The following RP1 variants were observed in gnomAD, a reference collection of about 807,000 sequenced individuals.
The protein encoded by RP1 is RP1 axonemal microtubule associated, also known as oxygen-regulated protein 1.
A neutral mutation model predicts 14.8 loss-of-function variants in RP1; 16 were observed. The ratio of observed to expected loss-of-function variants is 1.08; its 90% confidence interval spans 0.73 to 1.65. The LOEUF is 1.65. Among genes scored for constraint, RP1 ranks in the 40% most tolerant of loss-of-function variants. The pLI is 0.00. For synonymous variants in RP1, 876 were observed against 883.6 expected, an observed-to-expected ratio of 0.99 and a Z score of 0.15; for missense variants, 2,631 against 2,535.0, an observed-to-expected ratio of 1.04 and a Z score of -0.81.
At chr8:54,775,841 T>G (rs1383443602) in intron 23 of RP1, among the ~76,000 whole-genome samples, 2 of 152,210 alleles carry the variant, frequency 1.3e-5, no homozygotes, top group Admixed American at 1.3e-4. Context: ...GATCATGAAT[T>G]TCTCTCCTAA....
chr8:54,726,732 A>G (rs1808664496), intron 17 of RP1, among the ~76,000 whole-genome samples: 1 of 151,902 alleles, frequency 6.6e-6, no homozygotes, highest in Admixed American at 6.6e-5. Context: ...AGATAGTATT[A>G]AATTATAACA....
rs939909837 is a variant in RP1, at chr8:54,714,676, A to G, written c.2212-5453A>G. Among the ~76,000 whole-genome samples the G allele has an allele frequency of 3.9e-5, 6 of 152,174 alleles. No individual in the cohort carries two copies. The East Asian group carries it at 1.2e-3, about 29-fold the overall frequency. ...AATTTGGGGGAGGTTAATCTGAGTA[A>G]TAATAAAACTCCAGTCTCCCATTTA... On this transcript the variant is annotated intron_variant, in intron 15 of 22. Transcript: ENST00000636932.
intron 1 of RP1, among the ~76,000 whole-genome samples, chr8:54,566,263 C>A (rs1804403542): frequency 6.6e-6 from 1 of 152,194 alleles, no homozygotes; most frequent in African/African-American, 2.4e-5. Flanking sequence ...TAATCTTCAA[C>A]TTCTCTCCAC....
chr8:54,817,963 G>A (rs1477871284), intron 24 of RP1, among the ~76,000 whole-genome samples: 2 of 151,678 alleles, frequency 1.3e-5, no homozygotes, highest in East Asian at 1.9e-4. Context: ...AAATGTGACT[G>A]CCCCTTACAG....
intron 1 of RP1, among the ~76,000 whole-genome samples, chr8:54,570,744 T>C (rs984278070): frequency 3.3e-5 from 5 of 152,170 alleles, no homozygotes; most frequent in Admixed American, 2.0e-4. Context: ...AAACTGGCTT[T>C]GTGTTTCACA....
Position 54,791,425 on chromosome 8 carries a change from T to G in RP1, c.3615+7715T>G, listed in dbSNP as rs1415113637. Among the ~76,000 whole-genome samples the G allele has an allele frequency of 3.3e-5, 5 of 152,056 alleles. No homozygotes were observed. The East Asian group carries it at 9.6e-4, about 29-fold the overall frequency. ...ATGAAACTTGTTGTAAAAATAAATA[T>G]ATATAGTCAAAGGCAGAATTCTCTA... On this transcript the variant is annotated intron_variant, in intron 24 of 28. Transcript: ENST00000637698.
chr8:54,762,868 C>T (rs961268769), intron 22 of RP1, among the ~76,000 whole-genome samples: 15 of 152,304 alleles, frequency 9.8e-5, no homozygotes, highest in African/African-American at 3.6e-4. Context: ...TGCATCACTC[C>T]AGCCTCTGCT....
downstream of RP1, among the ~76,000 whole-genome samples, chr8:54,632,721 G>A (rs1252673320): frequency 2.0e-5 from 3 of 151,976 alleles, no homozygotes; most frequent in African/African-American, 7.2e-5. Context: ...TCCTTAAAAT[G>A]TCTGTAAAGA....
At chr8:54,646,709 ATTTTCATTTT>A in intron 3 of RP1, among the ~76,000 whole-genome samples, 1 of 152,048 alleles carries the variant, frequency 6.6e-6, no homozygotes, top group African/African-American at 2.4e-5. Flanking sequence ...ATATTTCATT[ATTTTCATTTT>A]TATTTCCATT....
downstream of RP1, among the ~76,000 whole-genome samples, chr8:54,771,080 A>G (rs1480933742): frequency 6.6e-6 from 1 of 152,040 alleles, no homozygotes; most frequent in Non-Finnish European, 1.5e-5. Flanking sequence ...ACTGAGACAT[A>G]AACAGTTCAA....
chr8:54,661,222 T>G (rs1156356394), intron 6 of RP1, among the ~76,000 whole-genome samples: 1 of 146,432 alleles, frequency 6.8e-6, no homozygotes, highest in Non-Finnish European at 1.5e-5. Flanking sequence ...TATATATACA[T>G]AATGATATAT....
At chr8:54,812,927 A>G (rs1038287058) in intron 24 of RP1, among the ~76,000 whole-genome samples, 8 of 152,220 alleles carry the variant, frequency 5.3e-5, no homozygotes, top group African/African-American at 1.9e-4. Context: ...AGGTTCTTAA[A>G]TGCCTGTGGT....
Position 54,628,521 on chromosome 8 carries a change from A to C in RP1, c.4639A>C (p.Asn1547His), listed in dbSNP as rs1301367897. Residue 1547 changes from asparagine (N) to histidine (H), a missense_variant, in exon 4 of 4, where the codon AAT (asparagine) becomes CAT (histidine). Asn to His is a moderately conservative substitution (Grantham distance 68). Coordinates refer to ENST00000220676, the MANE Select transcript of RP1 (RefSeq NM_006269.2). ...SLDFCYDSKQNSEKETNEGET... is the reference protein window; with the variant it reads ...SLDFCYDSKQHSEKETNEGET... ...AGATTTTTGCTATGATTCTAAGCAA[A>C]ATAGTGAAAAGGAGACCAATGAAGG... 6.2e-7 allele frequency: 1 copy of C among 1,614,032 alleles called. No homozygotes were observed. The highest frequency in any genetic ancestry group is 1.1e-5 in the South Asian group (1 of 91,064).
intron 15 of RP1, among the ~76,000 whole-genome samples, chr8:54,719,206 T>TA (rs1808478357): frequency 6.6e-6 from 1 of 152,144 alleles, no homozygotes; most frequent in Non-Finnish European, 1.5e-5. Flanking sequence ...TTCCTATCCC[T>TA]ACCCCCAGCT....
At position 54,608,312 on chromosome 8, in the gene RP1, G is replaced by A. The variant is rs1344620373; in HGVS notation, c.-12-12643G>A. Among the ~76,000 whole-genome samples the A allele has an allele frequency of 1.3e-5, 2 of 151,616 alleles. 1 individual carries two copies. ...CAAGTGTGAATCATCCACTTTAAAT[G>A]GGTTAATTTTATGGCATGGAAATCA... On this transcript the variant is annotated intron_variant, in intron 1 of 22. Coordinates refer to the RP1 transcript ENST00000636932.
rs188642150 is a variant in RP1, at chr8:54,638,958, C to T, written c.788-10027C>T. 1.4e-3 allele frequency among the ~76,000 whole-genome samples: 218 copies of T among 151,524 alleles called. 1 individual carries two copies. The highest frequency in any genetic ancestry group is 5.1e-3 in the African/African-American group (209 of 41,268). On this transcript the variant is annotated intron_variant, in intron 3 of 22. Coordinates refer to the RP1 transcript ENST00000636932. ...TATAATTTACATTTGATAAAATCTCCCCAATTTTAAGTGTTATGATTTGAT... is the reference window on the plus strand; with the variant it reads ...TATAATTTACATTTGATAAAATCTCTCCAATTTTAAGTGTTATGATTTGAT...
At chr8:54,644,302 T>A (rs1451478126) in intron 3 of RP1, among the ~76,000 whole-genome samples, 1 of 152,214 alleles carries the variant, frequency 6.6e-6, no homozygotes, top group Non-Finnish European at 1.5e-5. Context: ...ACTGCTTTGT[T>A]CTCTGGGCCC....
intron 7 of RP1, among the ~76,000 whole-genome samples, chr8:54,666,403 T>C (rs1348331093): frequency 2.0e-5 from 3 of 152,132 alleles, no homozygotes; most frequent in Non-Finnish European, 4.4e-5. Context: ...TGCCTCTTTG[T>C]TCTCTGTGGT....
At chr8:54,677,198 G>C (rs1267833504) in intron 8 of RP1, among the ~76,000 whole-genome samples, 2 of 151,670 alleles carry the variant, frequency 1.3e-5, no homozygotes, top group Non-Finnish European at 2.9e-5. Context: ...CTCTGTCCTG[G>C]GCAAACTGGG....
Sources: gnomAD v4.1 joint callset for allele counts (sites outside exome capture counted in the v4.1 genomes callset) on GRCh38, gnomAD v4.1.1 for gene constraint, MANE v1.5 for transcripts, NCBI Gene and HGNC (gene_info 2026-07-23, HGNC 2026-07-21) for gene names.